Variants in SDC2 observed in about 807,000 individuals in gnomAD.
SDC2 encodes syndecan-2.
SDC2 carries 13 observed loss-of-function variants against 22.2 expected under a neutral mutation model. The ratio of observed to expected loss-of-function variants is 0.59; its 90% CI spans 0.38 to 0.93. The LOEUF (loss-of-function observed/expected upper bound fraction) is 0.93. SDC2 is among the 40% of genes least tolerant of loss of function. SDC2 has a pLI of 0.00. For missense variants in SDC2, 235 were observed against 246.8 expected, an observed-to-expected ratio of 0.95 and a Z score of 0.32; for synonymous variants, 94 against 92.8, an observed-to-expected ratio of 1.01 and a Z score of -0.07.
chr8:96,548,072 T>A (rs912808907), intron 1 of SDC2, among the ~76,000 whole-genome samples: 2 of 152,220 alleles, frequency 1.3e-5, no homozygotes, highest in African/African-American at 4.8e-5. Flanking sequence ...CCTTGATTGA[T>A]TTTCTTAACC....
chr8:96,542,497 A>G lies in SDC2; in HGVS notation c.60+48166A>G, dbSNP rs568149279. ...TAATGCCTCTTTAGCAGTGAAGGCTAGATAGTCTTCTGTTTACAGCAGAGA... is the reference window on the plus strand; with the variant it reads ...TAATGCCTCTTTAGCAGTGAAGGCTGGATAGTCTTCTGTTTACAGCAGAGA... On this transcript the variant is annotated intron_variant, in intron 1 of 4. Transcript: ENST00000302190. 2.0e-5 allele frequency among the ~76,000 whole-genome samples: 3 copies of G among 152,264 alleles called. No homozygotes were observed. The South Asian group carries it at 6.2e-4, about 32-fold the overall frequency.
intron 1 of SDC2, among the ~76,000 whole-genome samples, chr8:96,517,710 T>C (rs967234132): frequency 1.1e-4 from 16 of 147,606 alleles, no homozygotes; most frequent in African/African-American, 3.7e-4. Context: ...TGAAGTACTA[T>C]ATGTACATAT....
In SDC2 at chr8:96,602,421, G is replaced by A. The variant is rs761406054; in HGVS notation, c.199G>A (p.Glu67Lys). The change falls in exon 3 of 5, where the codon GAG becomes AAG. Residue 67 changes from glutamate to lysine, a missense_variant. Glu to Lys is a moderately conservative substitution (Grantham distance 56). Transcript: ENST00000302190. ...AGCTGATGAGGATGTAGAGAGTCCA[G>A]AGCTGACAACATCTCGACCACTTCC... The part of the protein sequence containing the change: ...SGADEDVESP[E>K]LTTSRPLPKI... 1 of 1,614,150 alleles carries A rather than the reference G, an allele frequency of 6.2e-7. No individual in the cohort carries two copies. The highest frequency in any genetic ancestry group is 8.5e-7 in the Non-Finnish European group (1 of 1,180,006).
At chr8:96,526,317 A>G (rs574110884) in intron 1 of SDC2, among the ~76,000 whole-genome samples, 2 of 97,972 alleles carry the variant, frequency 2.0e-5, no homozygotes, top group South Asian at 5.5e-4. Flanking sequence ...ATACTTTTAC[A>G]TAGGAAAAAG....
chr8:96,547,685 A>G (rs949715355), intron 1 of SDC2, among the ~76,000 whole-genome samples: 3 of 151,980 alleles, frequency 2.0e-5, no homozygotes, highest in African/African-American at 7.2e-5. Context: ...CTAGGTTTAA[A>G]GGATTCTTTT....
intron 1 of SDC2, among the ~76,000 whole-genome samples, chr8:96,495,570 C>T (rs530725052): frequency 2.0e-5 from 3 of 152,198 alleles, no homozygotes; most frequent in Non-Finnish European, 4.4e-5. Flanking sequence ...CTCCCTTTGC[C>T]ATTTAATAAC....
intron 1 of SDC2, among the ~76,000 whole-genome samples, chr8:96,499,862 G>A (rs1813134911): frequency 6.6e-6 from 1 of 151,874 alleles, no homozygotes; most frequent in East Asian, 1.9e-4. Flanking sequence ...TCCCATCAAG[G>A]TTAGTGCTAT....
intron 1 of SDC2, among the ~76,000 whole-genome samples, chr8:96,517,469 C>A (rs769335119): frequency 1.3e-5 from 2 of 152,138 alleles, no homozygotes; most frequent in Non-Finnish European, 2.9e-5. Context: ...TTAGTTCTTA[C>A]ATTTAGATCT....
intron 1 of SDC2, 52 bp downstream of exon 1, chr8:96,494,383 C>A: frequency 6.6e-7 from 1 of 1,515,390 alleles, no homozygotes; most frequent in East Asian, 2.5e-5. Context: ...TTTGAAGCTA[C>A]GAGAGGAGCC....
chr8:96,588,592 A>G (rs1475891403), intron 1 of SDC2, among the ~76,000 whole-genome samples: 1 of 152,202 alleles, frequency 6.6e-6, no homozygotes, highest in African/African-American at 2.4e-5. Flanking sequence ...GTTGTCTGTG[A>G]TGTGATACAG....
chr8:96,590,205 C>T (rs938193795), intron 1 of SDC2, among the ~76,000 whole-genome samples: 2 of 152,218 alleles, frequency 1.3e-5, no homozygotes, highest in South Asian at 4.1e-4. Context: ...CTTTGTTTTT[C>T]TCCCAGCTTG....
chr8:96,595,113 G>A (rs1157985308), intron 2 of SDC2, among the ~76,000 whole-genome samples: 1 of 152,184 alleles, frequency 6.6e-6, no homozygotes, highest in Non-Finnish European at 1.5e-5. Context: ...TTTGTGGTCA[G>A]CAGCATGGTA....
intron 1 of SDC2, chr8:96,584,922 C>T (rs554821194): frequency 6.6e-6 from 1 of 152,360 alleles, no homozygotes; most frequent in Admixed American, 6.5e-5. Context: ...TCATACATCC[C>T]TACTGTTGTT....
At chr8:96,581,894 C>T (rs1814596092) in intron 1 of SDC2, among the ~76,000 whole-genome samples, 1 of 152,186 alleles carries the variant, frequency 6.6e-6, no homozygotes, top group South Asian at 2.1e-4. Context: ...ATGTCTTCTT[C>T]AGAGAAAGTA....
chr8:96,508,424 CG>C, intron 1 of SDC2, among the ~76,000 whole-genome samples: 1 of 151,528 alleles, frequency 6.6e-6, no homozygotes, highest in East Asian at 1.9e-4. Context: ...ACACAGGAGG[CG>C]GAGGTCGCAG....
intron 1 of SDC2, among the ~76,000 whole-genome samples, chr8:96,568,431 T>C (rs572661230): frequency 2.0e-5 from 3 of 152,340 alleles, no homozygotes; most frequent in East Asian, 3.9e-4. Context: ...CATGATTGTT[T>C]TAGTGTCTGG....
chr8:96,578,008 T>C (rs951176494), intron 1 of SDC2, among the ~76,000 whole-genome samples: 1 of 152,266 alleles, frequency 6.6e-6, no homozygotes, highest in Non-Finnish European at 1.5e-5. Context: ...ACACAAATGA[T>C]AGGACATTTC....
At chr8:96,555,325 A>G (rs1814091634) in intron 1 of SDC2, among the ~76,000 whole-genome samples, 1 of 152,116 alleles carries the variant, frequency 6.6e-6, no homozygotes, top group Non-Finnish European at 1.5e-5. Flanking sequence ...GAATCAGCTG[A>G]TCGTCTAGCA....
chr8:96,588,489 C>CT (rs1214618032), intron 1 of SDC2, among the ~76,000 whole-genome samples: 3 of 152,104 alleles, frequency 2.0e-5, no homozygotes, highest in African/African-American at 7.2e-5. Flanking sequence ...CTTTTTGGCA[C>CT]TTTGTAATCA....
Sources: allele counts gnomAD v4.1 joint callset (sites outside exome capture counted in the v4.1 genomes callset), GRCh38; gene constraint gnomAD v4.1.1; transcripts MANE v1.5; gene names NCBI Gene and HGNC (gene_info 2026-07-23, HGNC 2026-07-21).